The following FSTL5 variants were observed in gnomAD, a reference collection of about 807,000 sequenced individuals.
FSTL5 encodes the protein follistatin-related protein 5.
Under a neutral mutation model 89.1 loss-of-function variants are expected in FSTL5, and 62 were observed. That is an observed-to-expected ratio of 0.70 (90% CI 0.57 to 0.86). FSTL5 has a LOEUF of 0.86. FSTL5 is among the 40% of genes least tolerant of loss of function. The pLI is 0.00. For missense variants in FSTL5, 1,057 were observed against 1,001.6 expected, an observed-to-expected ratio of 1.06 and a Z score of -0.75; for synonymous variants, 383 against 346.2, an observed-to-expected ratio of 1.11 and a Z score of -1.18.
intron 15 of FSTL5, among the ~76,000 whole-genome samples, chr4:161,419,358 G>T (rs548917751): frequency 1.3e-5 from 2 of 151,982 alleles, no homozygotes; most frequent in African/African-American, 4.8e-5. Context: ...ATGTATTTTT[G>T]CATAGCATTT....
chr4:162,021,155 C>A (rs923839182), intron 3 of FSTL5, among the ~76,000 whole-genome samples: 12 of 152,124 alleles, frequency 7.9e-5, no homozygotes, highest in Admixed American at 3.9e-4. Flanking sequence ...GAAGACAGAA[C>A]TTCCCATCTT....
In FSTL5 at chr4:161,475,027, C is replaced by CA. The variant is rs763920550; in HGVS notation, c.1608+5992_1608+5993insT. On this transcript the variant is annotated intron_variant, in intron 13 of 15. Transcript: ENST00000306100. ...TGTGGGATATAGGATCCTTGATTGG[C>CA]TTTTTTTTTTTTTTTTGTCTTGTAG... 6.2e-5 allele frequency among the ~76,000 whole-genome samples: 8 copies of CA among 129,452 alleles called. No individual in the cohort carries two copies. In the East Asian group the frequency reaches 1.8e-3, roughly 29 times the overall value. The allele number at this position is 129,452 out of a possible 152,430, so 84.9% of individuals were successfully genotyped here. A position where few individuals can be genotyped will look rare whatever the true frequency, so the allele number is the denominator to read the frequency against.
intron 6 of FSTL5, among the ~76,000 whole-genome samples, chr4:161,740,711 A>C (rs1047366549): frequency 1.0e-5 from 1 of 97,424 alleles, no homozygotes; most frequent in Non-Finnish European, 3.0e-5. Flanking sequence ...TTTGGAATTC[A>C]GTGATTGATT....
intron 3 of FSTL5, among the ~76,000 whole-genome samples, chr4:161,985,081 G>A (rs76223912): frequency 0.01 from 1,524 of 151,496 alleles, 24 homozygotes; most frequent in African/African-American, 0.034. Context: ...TTCAGCCTCC[G>A]GAGTAGTTGA....
chr4:161,549,603 T>A (rs905714966), intron 8 of FSTL5, among the ~76,000 whole-genome samples: 2 of 151,920 alleles, frequency 1.3e-5, no homozygotes, highest in African/African-American at 4.8e-5. Flanking sequence ...ACATACGTTG[T>A]CCTTGATAAG....
chr4:161,888,240 T>C (rs928738292), intron 4 of FSTL5, among the ~76,000 whole-genome samples: 1 of 152,136 alleles, frequency 6.6e-6, no homozygotes, highest in South Asian at 2.1e-4. Context: ...GATAGAGTAA[T>C]GTGTGCCACT....
intron 1 of FSTL5, among the ~76,000 whole-genome samples, chr4:162,146,855 C>A (rs1332691505): frequency 6.6e-6 from 1 of 151,692 alleles, no homozygotes; most frequent in African/African-American, 2.4e-5. Flanking sequence ...GATCTTGGCT[C>A]ACTGCAACCT....
chr4:162,088,777 A>G (rs190359424), intron 2 of FSTL5, among the ~76,000 whole-genome samples: 245 of 152,272 alleles, frequency 1.6e-3, no homozygotes, highest in African/African-American at 5.6e-3. Context: ...CCAGAACTAT[A>G]AATGAGTAAC....
intron 8 of FSTL5, among the ~76,000 whole-genome samples, chr4:161,543,937 T>TA (rs926722616): frequency 2.0e-5 from 3 of 151,756 alleles, no homozygotes; most frequent in Non-Finnish European, 2.9e-5. Context: ...AATGACACTA[T>TA]AAAAAAGTAT....
chr4:161,723,750 T>G (rs1421610215), intron 6 of FSTL5, among the ~76,000 whole-genome samples: 1 of 152,140 alleles, frequency 6.6e-6, no homozygotes, highest in African/African-American at 2.4e-5. Context: ...GACTGATTTC[T>G]ACACAGATGT....
intron 4 of FSTL5, among the ~76,000 whole-genome samples, chr4:161,831,174 C>A (rs1241215395): frequency 2.0e-5 from 3 of 151,640 alleles, no homozygotes; most frequent in Admixed American, 1.3e-4. Context: ...ACTATAGTAA[C>A]CATTTTATCA....
At chr4:161,388,088 A>T (rs1455403249) in intron 15 of FSTL5, 1 of 152,118 alleles carries the variant, frequency 6.6e-6, no homozygotes, top group African/African-American at 2.4e-5. Flanking sequence ...ATTCTGCTAT[A>T]CTATTACCTA....
At chr4:161,414,793 A>T (rs571550631) in intron 15 of FSTL5, among the ~76,000 whole-genome samples, 1 of 152,268 alleles carries the variant, frequency 6.6e-6, no homozygotes, top group African/African-American at 2.4e-5. Context: ...GTCAAAAGAG[A>T]ATATTCTGAT....
chr4:162,004,057 G>A (rs1056507730), intron 3 of FSTL5, among the ~76,000 whole-genome samples: 6 of 151,990 alleles, frequency 3.9e-5, no homozygotes, highest in Admixed American at 3.9e-4. Flanking sequence ...AATACGGCAG[G>A]TTAAGCAACC....
chr4:161,592,702 T>TCA (rs1230653920), intron 7 of FSTL5, among the ~76,000 whole-genome samples: 4 of 152,170 alleles, frequency 2.6e-5, no homozygotes, highest in African/African-American at 7.2e-5. Context: ...GTTCCAAGCC[T>TCA]TTGCTATTGT....
intron 7 of FSTL5, among the ~76,000 whole-genome samples, chr4:161,592,480 T>A (rs1733855597): frequency 6.6e-6 from 1 of 150,602 alleles, no homozygotes; most frequent in African/African-American, 2.4e-5. Flanking sequence ...TGTGTCCATG[T>A]GTTCTATTGT....
chr4:161,481,088 T>C lies in FSTL5; in HGVS notation c.1540A>G (p.Ile514Val). 6.2e-7 allele frequency: 1 copy of C among 1,613,348 alleles called. No individual in the cohort carries two copies. Among genetic ancestry groups the C allele is most frequent in the Non-Finnish European group, 8.5e-7 (1 of 1,179,482 alleles). ...ASAVNVKDKFIYVAQPTLDRV... is the reference protein window; with the variant it reads ...ASAVNVKDKFVYVAQPTLDRV... Reference sequence around the variant, plus strand: ...TCCAAAGTTGGCTGTGCAACATAAATGAACTTGTCTTTGACATTAACAGCT... The same window carrying C: ...TCCAAAGTTGGCTGTGCAACATAAACGAACTTGTCTTTGACATTAACAGCT... Residue 514 changes from isoleucine to valine, a missense_variant, in exon 13 of 16, where the codon ATT (isoleucine) becomes GTT (valine). This residue lies in a region of FSTL5 where 980 missense variants were observed against 903.2 expected (regional missense o/e 1.08). Transcript: ENST00000306100.
At chr4:161,495,329 G>A (rs1325788762) in intron 12 of FSTL5, 1 of 152,080 alleles carries the variant, frequency 6.6e-6, no homozygotes, top group African/African-American at 2.4e-5. Flanking sequence ...TGACAAAGTT[G>A]GTAATCTTGG....
Position 161,918,816 on chromosome 4 carries a change from G to T in FSTL5, c.409+1588C>A, listed in dbSNP as rs182920341. 2.0e-3 allele frequency among the ~76,000 whole-genome samples: 311 copies of T among 151,840 alleles called. 1 individual carries two copies. The highest frequency in any genetic ancestry group is 7.1e-3 in the African/African-American group (296 of 41,434). ...CCGCCATCATGCCCAGCTAATTTTT[G>T]TATTTTTGTAGAGATGGGGTTTCAT... On this transcript the variant is annotated intron_variant, in intron 4 of 15. Transcript: ENST00000306100.
Sources: allele counts gnomAD v4.1 joint callset (sites outside exome capture counted in the v4.1 genomes callset), GRCh38; gene constraint gnomAD v4.1.1; regional missense constraint gnomAD v4.1.1; transcripts MANE v1.5; gene names NCBI Gene and HGNC (gene_info 2026-07-23, HGNC 2026-07-21).